LHFPL3: variants seen among roughly 807,000 people sequenced by gnomAD.
LHFPL3 encodes LHFPL tetraspan subfamily member 3.
Under a neutral mutation model 19.3 loss-of-function variants are expected in LHFPL3, and 5 were observed. The ratio of observed to expected loss-of-function variants is 0.26; its 90% CI spans 0.14 to 0.54. The LOEUF (loss-of-function observed/expected upper bound fraction) is 0.54, where lower values mean the gene tolerates loss of function less well. Ranked by LOEUF, LHFPL3 falls within the 20% of genes least tolerant of loss-of-function variation. The pLI is 0.94. For synonymous variants in LHFPL3, 133 were observed against 126.2 expected, an observed-to-expected ratio of 1.05 and a Z score of -0.36; for missense variants, 249 against 307.4, an observed-to-expected ratio of 0.81 and a Z score of 1.42.
At chr7:104,469,910 C>A (rs1792873855) in intron 1 of LHFPL3, 3 of 410,462 alleles carry the variant, frequency 7.3e-6, no homozygotes, top group Non-Finnish European at 1.5e-5. Flanking sequence ...TATATCTAAC[C>A]TAACATTCCC....
At chr7:104,432,605 C>T (rs1792023913) in intron 1 of LHFPL3, among the ~76,000 whole-genome samples, 1 of 152,064 alleles carries the variant, frequency 6.6e-6, no homozygotes, top group African/African-American at 2.4e-5. Flanking sequence ...TACTCTGTTG[C>T]ACTGTCTACT....
chr7:104,449,840 T>G (rs1792399321), intron 1 of LHFPL3, among the ~76,000 whole-genome samples: 1 of 152,182 alleles, frequency 6.6e-6, no homozygotes, highest in Non-Finnish European at 1.5e-5. Flanking sequence ...TCCCAAAAAA[T>G]GCTGAAATGG....
chr7:104,881,810 T>A (rs1792062785), intron 2 of LHFPL3, among the ~76,000 whole-genome samples: 1 of 152,214 alleles, frequency 6.6e-6, no homozygotes, highest in South Asian at 2.1e-4. Context: ...CTTGTGGTCT[T>A]ATTTTAGAAA....
At chr7:104,523,414 A>T (rs1045314756) in intron 1 of LHFPL3, among the ~76,000 whole-genome samples, 3 of 152,172 alleles carry the variant, frequency 2.0e-5, no homozygotes, top group Non-Finnish European at 4.4e-5. Context: ...AGTTATAATA[A>T]AAGTTAGTTT....
At chr7:104,392,228 T>C (rs1386492175) in intron 1 of LHFPL3, among the ~76,000 whole-genome samples, 2 of 151,750 alleles carry the variant, frequency 1.3e-5, no homozygotes, top group African/African-American at 4.8e-5. Flanking sequence ...CTATGTTGAA[T>C]AGGAGTGGTG....
intron 2 of LHFPL3, among the ~76,000 whole-genome samples, chr7:104,873,635 G>GA (rs1480949021): frequency 1.3e-5 from 2 of 151,394 alleles, no homozygotes; most frequent in African/African-American, 4.9e-5. Context: ...CTCTAAAAAG[G>GA]AAAGAAAAAA....
chr7:104,637,891 A>G (rs1255382879), intron 1 of LHFPL3, among the ~76,000 whole-genome samples: 1 of 132,942 alleles, frequency 7.5e-6, no homozygotes, highest in Non-Finnish European at 1.6e-5. Context: ...TTTGGATTCC[A>G]TATGAATTTT....
intron 1 of LHFPL3, among the ~76,000 whole-genome samples, chr7:104,681,855 A>G (rs573313362): frequency 6.6e-6 from 1 of 152,320 alleles, no homozygotes; most frequent in African/African-American, 2.4e-5. Flanking sequence ...GATCCTAGAC[A>G]GGCAGTACTG....
At chr7:104,736,948 C>A (rs1167685200) in intron 2 of LHFPL3, 37 bp downstream of exon 2, 1 of 1,494,112 alleles carries the variant, frequency 6.7e-7, no homozygotes, top group Admixed American at 2.0e-5. Flanking sequence ...CTGGATGCCT[C>A]AAGCACAAAA....
At chr7:104,499,946 A>G (rs570988620) in intron 1 of LHFPL3, among the ~76,000 whole-genome samples, 7 of 152,336 alleles carry the variant, frequency 4.6e-5, no homozygotes, top group African/African-American at 1.7e-4. Context: ...GATGTTTTAC[A>G]ATTTTTGTTT....
chr7:104,903,939 C>T (rs941058811), intron 2 of LHFPL3, among the ~76,000 whole-genome samples: 19 of 152,152 alleles, frequency 1.2e-4, no homozygotes, highest in Non-Finnish European at 2.1e-4. Context: ...TTCCTTTGGG[C>T]ATATAGCCAC....
intron 1 of LHFPL3, among the ~76,000 whole-genome samples, chr7:104,719,367 C>T (rs1427789971): frequency 1.3e-5 from 2 of 151,706 alleles, no homozygotes; most frequent in African/African-American, 4.8e-5. Flanking sequence ...CTTAAAATAT[C>T]GAGGCAAAAA....
chr7:104,643,067 T>G (rs984650376), intron 1 of LHFPL3, among the ~76,000 whole-genome samples: 5 of 152,222 alleles, frequency 3.3e-5, no homozygotes, highest in Admixed American at 1.3e-4. Context: ...TCAAATAGAA[T>G]CAGCTTTGTT....
intron 1 of LHFPL3, among the ~76,000 whole-genome samples, chr7:104,455,356 G>A (rs917954618): frequency 4.7e-5 from 7 of 147,596 alleles, no homozygotes; most frequent in Admixed American, 1.3e-4. Flanking sequence ...CATGGTAAGC[G>A]CTTCTAAAAA....
At chr7:104,336,754 T>A (rs1362678672) in intron 1 of LHFPL3, among the ~76,000 whole-genome samples, 1 of 152,184 alleles carries the variant, frequency 6.6e-6, no homozygotes. Flanking sequence ...CCTAAATGAT[T>A]GTCTGAGTGA....
chr7:104,843,759 G>A (rs186522426), intron 2 of LHFPL3, among the ~76,000 whole-genome samples: 9 of 152,306 alleles, frequency 5.9e-5, no homozygotes, highest in Admixed American at 2.0e-4. Flanking sequence ...AGGGCCAGAT[G>A]GGAAGCAGGA....
chr7:104,671,963 G>A (rs1019647743), intron 1 of LHFPL3, among the ~76,000 whole-genome samples: 1 of 152,144 alleles, frequency 6.6e-6, no homozygotes, highest in African/African-American at 2.4e-5. Flanking sequence ...AGATTATGAT[G>A]AGAGTACTAA....
At chr7:104,465,230 A>T (rs776473684) in intron 1 of LHFPL3, among the ~76,000 whole-genome samples, 27 of 151,798 alleles carry the variant, frequency 1.8e-4, no homozygotes, top group Non-Finnish European at 3.4e-4. Context: ...ATATCACCAT[A>T]TGGACTTCAT....
intron 1 of LHFPL3, chr7:104,668,552 C>T: frequency 6.2e-7 from 1 of 1,613,024 alleles, no homozygotes; most frequent in Non-Finnish European, 8.5e-7. Flanking sequence ...GCTATGATTC[C>T]CGGATAGGCA....
Sources: allele counts gnomAD v4.1 joint callset (sites outside exome capture counted in the v4.1 genomes callset), GRCh38; gene constraint gnomAD v4.1.1; transcripts MANE v1.5; gene names NCBI Gene and HGNC (gene_info 2026-07-23, HGNC 2026-07-21).